HYDIN: variants seen among roughly 807,000 people sequenced by gnomAD.
HYDIN encodes axonemal central pair apparatus protein HYDIN.
HYDIN carries 132 observed loss-of-function variants against 403.9 expected under a neutral mutation model. The ratio of observed to expected loss-of-function variants is 0.33; its 90% CI spans 0.28 to 0.38. HYDIN has a LOEUF of 0.38. Ranked by LOEUF, HYDIN falls within the 10% of genes least tolerant of loss-of-function variation. The probability of loss-of-function intolerance (pLI) is 1.00; values close to 1 mark genes in which losing one functional copy is unlikely to be tolerated. For synonymous variants in HYDIN, 1,202 were observed against 1,891.7 expected, an observed-to-expected ratio of 0.64 and a Z score of 9.46; for missense variants, 2,827 against 5,009.5, an observed-to-expected ratio of 0.56 and a Z score of 13.15.
Position 70,879,492 on chromosome 16 carries a change from G to A in HYDIN, c.10368-6C>T, listed in dbSNP as rs201873405. The A allele has an allele frequency of 3.7e-6, 6 of 1,613,536 alleles. No individual in the cohort carries two copies. Among genetic ancestry groups the A allele is most frequent in the Non-Finnish European group, 5.1e-6 (6 of 1,179,714 alleles). ...CTCGGCTCTTGGCCAGGGTGCTGTA[G>A]GGGACAGGAAGATTGTAGCCTGTCA... On this transcript the variant is annotated splice_polypyrimidine_tract_variant and splice_region_variant and intron_variant, in intron 61 of 85. Coordinates refer to ENST00000393567, the MANE Select transcript of HYDIN (RefSeq NM_001270974.2).
At chr16:70,865,951 T>A (rs1322384574) in intron 67 of HYDIN, among the ~76,000 whole-genome samples, 1 of 152,252 alleles carries the variant, frequency 6.6e-6, no homozygotes, top group African/African-American at 2.4e-5. Context: ...CCTGGTGTAC[T>A]ACATTTCCTG....
At chr16:70,887,971 C>T (rs560312080) in intron 58 of HYDIN, among the ~76,000 whole-genome samples, 8 of 152,296 alleles carry the variant, frequency 5.3e-5, no homozygotes, top group Admixed American at 2.6e-4. Context: ...GCACGAGCCA[C>T]GGCGCCTGGC....
chr16:71,113,834 T>C (rs1393668117), intron 10 of HYDIN: 1 of 152,120 alleles, frequency 6.6e-6, no homozygotes, highest in Non-Finnish European at 1.5e-5. Context: ...ACTCAAGAAA[T>C]CCTCTCACGT....
chr16:70,829,416 T>C (rs2036811096), intron 81 of HYDIN, among the ~76,000 whole-genome samples: 1 of 150,292 alleles, frequency 6.7e-6, no homozygotes, highest in South Asian at 2.1e-4. Context: ...GTATTTTTAG[T>C]AGAGACAAGG....
At chr16:70,863,660 G>A (rs1199805928) in intron 67 of HYDIN, among the ~76,000 whole-genome samples, 4 of 152,116 alleles carry the variant, frequency 2.6e-5, no homozygotes, top group Admixed American at 1.3e-4. Context: ...CAGCTCACTT[G>A]AGGCCAAGAA....
intron 18 of HYDIN, among the ~76,000 whole-genome samples, chr16:71,052,457 T>G (rs1012121624): frequency 6.6e-6 from 1 of 151,754 alleles, no homozygotes; most frequent in African/African-American, 2.4e-5. Context: ...TAGACTTTAC[T>G]TGCATTAGAT....
intron 18 of HYDIN, among the ~76,000 whole-genome samples, chr16:71,033,560 A>G (rs1237550927): frequency 2.6e-5 from 4 of 151,688 alleles, no homozygotes; most frequent in Non-Finnish European, 5.9e-5. Flanking sequence ...GTTCTCACTC[A>G]TAAGTGGGAG....
chr16:70,884,287 G>A (rs2143696192), intron 58 of HYDIN, among the ~76,000 whole-genome samples, 163 bp from the exon 59 acceptor site: 1 of 145,580 alleles, frequency 6.9e-6, no homozygotes, highest in Admixed American at 6.9e-5. Flanking sequence ...GGGACAGAGG[G>A]CCAGGGATGG....
At chr16:71,045,242 C>T (rs1458177567) in intron 18 of HYDIN, among the ~76,000 whole-genome samples, 1 of 152,176 alleles carries the variant, frequency 6.6e-6, no homozygotes, top group Non-Finnish European at 1.5e-5. Context: ...TGTGTTGTCA[C>T]TAGCTTTGTT....
chr16:70,802,883 G>C lies in HYDIN; in HGVS notation c.*4697C>G, dbSNP rs1170047896. On this transcript the variant is annotated 3_prime_UTR_variant, in exon 86 of 86. Coordinates refer to ENST00000393567, the MANE Select transcript of HYDIN (RefSeq NM_001270974.2). ...TGACACAATCCTATGAATGAAGGTAGGTGCGCTAACAAGTAGTAGTAGTGC... is the reference window on the plus strand; with the variant it reads ...TGACACAATCCTATGAATGAAGGTACGTGCGCTAACAAGTAGTAGTAGTGC... 1 of 152,146 alleles carries C rather than the reference G, an allele frequency of 6.6e-6. No homozygotes were observed. The highest frequency in any genetic ancestry group is 1.5e-5 in the Non-Finnish European group (1 of 68,032). The allele number at this position is 152,146 out of a possible 1,614,324, so 9.4% of individuals were successfully genotyped here.
chr16:70,889,704 T>C lies in HYDIN; in HGVS notation c.9657A>G (p.Ala3219=). The C allele has an allele frequency of 1.6e-6, 1 of 640,604 alleles. No homozygotes were observed. The highest frequency in any genetic ancestry group is 2.8e-6 in the Non-Finnish European group (1 of 357,144). The allele number at this position is 640,604 out of a possible 1,614,324, so 39.7% of individuals were successfully genotyped here. The part of the protein sequence containing the change: ...TGESPIHQKK[A]ASHVRHARSR... ...ATCTTGCATGTCTGACGTGGCTGGC[T>C]CTGATTAAAGAAGCAAGAGTATACC... Residue 3219 remains alanine, a splice_region_variant and synonymous_variant, in exon 58 of 86, where the codon GCA becomes GCG. Transcript: ENST00000393567.
At chr16:71,114,317 TATTAGTATC>T (rs1372320926) in intron 10 of HYDIN, among the ~76,000 whole-genome samples, 4 of 149,796 alleles carry the variant, frequency 2.7e-5, no homozygotes, top group Admixed American at 2.7e-4. Context: ...TATAATAATC[TATTAGTATC>T]ATTATTTTGA....
At chr16:71,118,239 GTCAC>G (rs1415502773) in intron 9 of HYDIN, among the ~76,000 whole-genome samples, 8 of 151,648 alleles carry the variant, frequency 5.3e-5, no homozygotes, top group Admixed American at 2.0e-4. Flanking sequence ...ACAGTGAATA[GTCAC>G]TCAATGTACA....
intron 10 of HYDIN, among the ~76,000 whole-genome samples, chr16:71,107,771 C>CA (rs1410306461): frequency 3.3e-5 from 5 of 151,806 alleles, no homozygotes; most frequent in Admixed American, 2.6e-4. Flanking sequence ...GGTGATTCTT[C>CA]AAAAAACAAA....
At chr16:71,094,910 AC>A (rs2083230425) in intron 10 of HYDIN, among the ~76,000 whole-genome samples, 1 of 151,578 alleles carries the variant, frequency 6.6e-6, no homozygotes, top group Non-Finnish European at 1.5e-5. Context: ...TCACAGATAT[AC>A]CCAAAATTAT....
chr16:70,844,855 G>A (rs1368854140), intron 75 of HYDIN, among the ~76,000 whole-genome samples: 1 of 151,718 alleles, frequency 6.6e-6, no homozygotes, highest in Non-Finnish European at 1.5e-5. Flanking sequence ...TGTTGTTGGT[G>A]TACAAGAATG....
At chr16:70,827,968 AG>A (rs1316817639) in intron 82 of HYDIN, among the ~76,000 whole-genome samples, 2 of 148,570 alleles carry the variant, frequency 1.3e-5, no homozygotes, top group Admixed American at 1.3e-4. Flanking sequence ...CCAGTGGCTT[AG>A]GTGATAAGAC....
chr16:71,005,298 T>G (rs920981613), intron 23 of HYDIN, among the ~76,000 whole-genome samples: 1 of 152,080 alleles, frequency 6.6e-6, no homozygotes, highest in African/African-American at 2.4e-5. Flanking sequence ...ACTAGCCACA[T>G]GTGGCCAACT....
intron 76 of HYDIN, among the ~76,000 whole-genome samples, chr16:70,839,284 G>C (rs2037650812): frequency 7.5e-6 from 1 of 133,320 alleles, no homozygotes; most frequent in Admixed American, 7.1e-5. Context: ...GAGGCATAGA[G>C]AGTTTTAAAA....
Sources: allele counts gnomAD v4.1 joint callset (sites outside exome capture counted in the v4.1 genomes callset), GRCh38; gene constraint gnomAD v4.1.1; transcripts MANE v1.5; gene names NCBI Gene and HGNC (gene_info 2026-07-23, HGNC 2026-07-21).